WDR70: variants seen among roughly 807,000 people sequenced by gnomAD.
WDR70 encodes WD repeat-containing protein 70.
In WDR70, 53 loss-of-function variants were observed where a neutral mutation model predicts 88.6. The ratio of observed to expected loss-of-function variants is 0.60; its 90% CI spans 0.48 to 0.75. WDR70 has a LOEUF of 0.75. WDR70 is among the 30% of genes least tolerant of loss of function. WDR70 has a pLI of 0.00. For synonymous variants in WDR70, 280 were observed against 270.0 expected (o/e 1.04, Z -0.36); for missense variants, 610 against 823.2 (o/e 0.74, Z 3.17).
chr5:37,564,185 TGGA>T (rs1742658549), intron 9 of WDR70, among the ~76,000 whole-genome samples: 1 of 148,080 alleles, frequency 6.8e-6, no homozygotes, highest in Non-Finnish European at 1.5e-5. Context: ...AGCTGGGAGG[TGGA>T]GGTTGTAGCG....
chr5:37,593,086 T>C (rs1743584941), intron 9 of WDR70, among the ~76,000 whole-genome samples: 1 of 152,112 alleles, frequency 6.6e-6, no homozygotes, highest in African/African-American at 2.4e-5. Flanking sequence ...ACCTAGAAGT[T>C]CAAGTTATGG....
chr5:37,469,737 T>G (rs990709380), intron 7 of WDR70, among the ~76,000 whole-genome samples: 27 of 152,320 alleles, frequency 1.8e-4, no homozygotes, highest in African/African-American at 6.5e-4. Flanking sequence ...GAAGAGTTCT[T>G]AGTGAGGCCT....
intron 10 of WDR70, among the ~76,000 whole-genome samples, chr5:37,607,392 T>C (rs1744062985): frequency 6.6e-6 from 1 of 152,198 alleles, no homozygotes; most frequent in African/African-American, 2.4e-5. Flanking sequence ...TTAATCTGTA[T>C]TTTGTGATGA....
chr5:37,575,757 G>A (rs1366636983), intron 9 of WDR70, among the ~76,000 whole-genome samples: 1 of 152,140 alleles, frequency 6.6e-6, no homozygotes, highest in East Asian at 1.9e-4. Flanking sequence ...AGTTCTGTGA[G>A]CCCTTATAGC....
At chr5:37,452,798 C>T (rs549250562) in intron 7 of WDR70, among the ~76,000 whole-genome samples, 52 of 152,168 alleles carry the variant, frequency 3.4e-4, no homozygotes, top group Admixed American at 9.2e-4. Flanking sequence ...CAGAATTTGT[C>T]TGAGATCCAA....
At chr5:37,490,396 G>A (rs1428188895) in intron 8 of WDR70, among the ~76,000 whole-genome samples, 1 of 152,054 alleles carries the variant, frequency 6.6e-6, no homozygotes, top group Non-Finnish European at 1.5e-5. Flanking sequence ...TGGGGGTGGT[G>A]GTGAGGGAGA....
At chr5:37,694,161 C>G (rs1264957225) in intron 10 of WDR70, among the ~76,000 whole-genome samples, 2 of 152,124 alleles carry the variant, frequency 1.3e-5, no homozygotes, top group East Asian at 1.9e-4. Flanking sequence ...CCATCTCACA[C>G]CAGTTAGAAT....
intron 10 of WDR70, among the ~76,000 whole-genome samples, chr5:37,615,475 G>T (rs1404479978): frequency 6.6e-6 from 1 of 151,962 alleles, no homozygotes; most frequent in Non-Finnish European, 1.5e-5. Flanking sequence ...TGGGATGTTG[G>T]TAAGACAGCT....
intron 10 of WDR70, among the ~76,000 whole-genome samples, chr5:37,690,374 C>G (rs1746752044): frequency 6.6e-6 from 1 of 152,116 alleles, no homozygotes; most frequent in African/African-American, 2.4e-5. Flanking sequence ...CAAAGATACT[C>G]CTCGAGAAGA....
chr5:37,573,121 G>A (rs1323870156), intron 9 of WDR70, among the ~76,000 whole-genome samples: 1 of 152,124 alleles, frequency 6.6e-6, no homozygotes, highest in East Asian at 1.9e-4. Flanking sequence ...TTCTTTAACA[G>A]CACTTGTTAA....
At chr5:37,605,286 A>T (rs372879823) in intron 10 of WDR70, 48 bp downstream of exon 10, 33 of 1,528,330 alleles carry the variant, frequency 2.2e-5, no homozygotes, top group Middle Eastern at 3.5e-4. Flanking sequence ...ATCTTTCCTT[A>T]GAAGATGGCC....
At chr5:37,715,706 A>G (rs1381890064) in intron 13 of WDR70, among the ~76,000 whole-genome samples, 1 of 152,164 alleles carries the variant, frequency 6.6e-6, no homozygotes, top group Non-Finnish European at 1.5e-5. Flanking sequence ...AAGTTGAAAC[A>G]ATTCCCATTT....
chr5:37,616,192 C>A (rs1393238577), intron 10 of WDR70, among the ~76,000 whole-genome samples: 4 of 152,112 alleles, frequency 2.6e-5, no homozygotes, highest in Admixed American at 1.3e-4. Flanking sequence ...TCTTGGCTTA[C>A]TGCAGCCTCT....
At chr5:37,584,378 C>G (rs535875488) in intron 9 of WDR70, among the ~76,000 whole-genome samples, 2 of 152,230 alleles carry the variant, frequency 1.3e-5, no homozygotes, top group South Asian at 4.2e-4. Context: ...TTAGAGATAT[C>G]GAAAAGGTTC....
At chr5:37,415,393 G>A (rs1466418833) in intron 5 of WDR70, among the ~76,000 whole-genome samples, 16 of 110,322 alleles carry the variant, frequency 1.5e-4, no homozygotes, top group South Asian at 6.4e-4. Context: ...CGGACGGGGC[G>A]GCTGGCCGGG....
chr5:37,595,538 G>C (rs990018753), intron 9 of WDR70, among the ~76,000 whole-genome samples: 4 of 152,122 alleles, frequency 2.6e-5, no homozygotes, highest in Non-Finnish European at 5.9e-5. Context: ...TAGATTTAAT[G>C]TAATCTCAAT....
At chr5:37,736,011 T>A (rs1017319834) in intron 17 of WDR70, among the ~76,000 whole-genome samples, 3 of 152,192 alleles carry the variant, frequency 2.0e-5, no homozygotes, top group African/African-American at 4.8e-5. Context: ...CATGAAAATT[T>A]TCAAACACAG....
intron 8 of WDR70, among the ~76,000 whole-genome samples, chr5:37,496,262 C>A (rs1207482300): frequency 2.0e-5 from 3 of 152,194 alleles, no homozygotes; most frequent in Non-Finnish European, 4.4e-5. Context: ...CTGCTAGGGT[C>A]CCCTTCCACC....
At chr5:37,667,109 A>T (rs1745875589) in intron 10 of WDR70, among the ~76,000 whole-genome samples, 1 of 152,190 alleles carries the variant, frequency 6.6e-6, no homozygotes, top group Non-Finnish European at 1.5e-5. Context: ...CTTCTGCCTT[A>T]GATTGAATTT....
Sources: allele counts gnomAD v4.1 joint callset (sites outside exome capture counted in the v4.1 genomes callset), GRCh38; gene constraint gnomAD v4.1.1; transcripts MANE v1.5; gene names NCBI Gene and HGNC (gene_info 2026-07-23, HGNC 2026-07-21).